The following SYNPO2 variants were observed in gnomAD, a reference collection of about 807,000 sequenced individuals.
The protein encoded by SYNPO2 is synaptopodin 2.
SYNPO2 carries 56 observed loss-of-function variants against 85.0 expected under a neutral mutation model. That is an observed-to-expected ratio of 0.66 (90% CI 0.53 to 0.82). The LOEUF (loss-of-function observed/expected upper bound fraction) is 0.82, where lower values mean the gene tolerates loss of function less well. Among genes scored for constraint, SYNPO2 ranks in the 40% least tolerant of loss-of-function variants. The pLI is 0.00. For missense variants in SYNPO2, 1,575 were observed against 1,534.2 expected, an observed-to-expected ratio of 1.03 and a Z score of -0.44; for synonymous variants, 602 against 591.1, an observed-to-expected ratio of 1.02 and a Z score of -0.27.
Position 119,030,643 on chromosome 4 carries a change from C to T in SYNPO2, c.1868C>T (p.Ser623Phe). The change falls in exon 4 of 5, where the codon TCT becomes TTT. Residue 623 changes from serine (S) to phenylalanine (F), a missense_variant. By Grantham distance (155) the Ser-to-Phe change is radical (BLOSUM62 -2). This residue lies in a region of SYNPO2 where 1,508 missense variants were observed against 1,446.8 expected (regional missense o/e 1.04). Coordinates refer to ENST00000307142, the MANE Select transcript of SYNPO2 (RefSeq NM_133477.3). ...IADFPAPPPY[S>F]AVTPPPDAFS... is the part of the protein sequence containing the mutation. ...GACTTTCCTGCACCTCCACCTTACT[C>T]TGCAGTCACTCCTCCCCCTGACGCC... is the stretch of plus-strand genomic sequence containing the variant. 1.2e-6 allele frequency: 2 copies of T among 1,614,160 alleles called. No homozygotes were observed. Among genetic ancestry groups the T allele is most frequent in the Non-Finnish European group, 1.7e-6 (2 of 1,180,036 alleles).
intron 1 of SYNPO2, among the ~76,000 whole-genome samples, chr4:118,962,017 T>C (rs1225188559): frequency 1.3e-5 from 2 of 152,234 alleles, no homozygotes; most frequent in South Asian, 2.1e-4. Flanking sequence ...TTGAACTTAT[T>C]GTTCTGAAGA....
chr4:118,868,369 T>G (rs1266442248), intron 1 of SYNPO2, among the ~76,000 whole-genome samples: 1 of 152,158 alleles, frequency 6.6e-6, no homozygotes, highest in Non-Finnish European at 1.5e-5. Context: ...ATTTTAAAAT[T>G]GTCAATTTGT....
In SYNPO2 at chr4:118,901,158, T is replaced by G. The variant is rs1272621795; in HGVS notation, c.105+12017T>G. Among the ~76,000 whole-genome samples, 6 of 152,336 alleles carry G rather than the reference T, an allele frequency of 3.9e-5. No individual in the cohort carries two copies. In the East Asian group the frequency reaches 5.8e-4, roughly 15 times the overall value. On this transcript the variant is annotated intron_variant, in intron 1 of 4. Coordinates refer to ENST00000307142, the MANE Select transcript of SYNPO2 (RefSeq NM_133477.3). The stretch of plus-strand genomic sequence containing the variant: ...TGGTTTGTTGCCATATTGTATTATT[T>G]TAGCCACTTTTAATTTGTACCCATG...
chr4:118,993,705 A>C (rs917338069), intron 1 of SYNPO2, among the ~76,000 whole-genome samples: 12 of 152,186 alleles, frequency 7.9e-5, no homozygotes. Flanking sequence ...TTGTATAAGA[A>C]CCTGTTTAAC....
chr4:119,036,986 G>A (rs1738542424), intron 4 of SYNPO2: 12 of 1,307,446 alleles, frequency 9.2e-6, no homozygotes, highest in Non-Finnish European at 1.1e-5. Context: ...TAATTTTTTT[G>A]TTATTAATAT....
At chr4:118,896,781 A>G (rs1732563032) in intron 1 of SYNPO2, among the ~76,000 whole-genome samples, 1 of 152,212 alleles carries the variant, frequency 6.6e-6, no homozygotes. Flanking sequence ...GTTTCAGATA[A>G]ATGAACAGCA....
chr4:118,944,403 T>C, intron 1 of SYNPO2, among the ~76,000 whole-genome samples: 1 of 152,134 alleles, frequency 6.6e-6, no homozygotes, highest in East Asian at 1.9e-4. Context: ...TTAATTATTT[T>C]TGGAATATCT....
intron 1 of SYNPO2, among the ~76,000 whole-genome samples, chr4:118,960,669 A>G (rs1388009843): frequency 6.6e-6 from 1 of 152,080 alleles, no homozygotes; most frequent in African/African-American, 2.4e-5. Context: ...CAAACTTAAT[A>G]TGGCTAGGAT....
intron 1 of SYNPO2, among the ~76,000 whole-genome samples, chr4:118,909,646 C>A (rs999740120): frequency 3.3e-5 from 5 of 152,202 alleles, no homozygotes; most frequent in Non-Finnish European, 1.5e-5. Flanking sequence ...GCCCTGCCCA[C>A]GCTTGGGAAG....
At chr4:118,856,862 T>G (rs1731516393) in intron 1 of SYNPO2, among the ~76,000 whole-genome samples, 2 of 152,150 alleles carry the variant, frequency 1.3e-5, no homozygotes, top group African/African-American at 4.8e-5. Flanking sequence ...GGAAGAAAAA[T>G]GCAAAGAACC....
intron 1 of SYNPO2, among the ~76,000 whole-genome samples, chr4:118,867,053 C>G (rs558098354): frequency 2.6e-5 from 4 of 152,162 alleles, no homozygotes; most frequent in Non-Finnish European, 5.9e-5. Context: ...ATAGCTGTTA[C>G]CTCTTTTTGA....
intron 1 of SYNPO2, among the ~76,000 whole-genome samples, chr4:118,894,987 C>T (rs1298734630): frequency 2.0e-5 from 3 of 152,162 alleles, no homozygotes; most frequent in Non-Finnish European, 4.4e-5. Flanking sequence ...TCATGACTAA[C>T]ATACATAAAG....
intron 1 of SYNPO2, among the ~76,000 whole-genome samples, chr4:118,969,383 C>T (rs971964457): frequency 4.0e-5 from 6 of 149,216 alleles, no homozygotes; most frequent in African/African-American, 1.5e-4. Flanking sequence ...GCATGGTGTT[C>T]GTTTAAAATG....
intron 1 of SYNPO2, among the ~76,000 whole-genome samples, chr4:118,959,906 T>G (rs1735013845): frequency 6.6e-6 from 1 of 152,178 alleles, no homozygotes; most frequent in Admixed American, 6.6e-5. Context: ...GTTATTTTAT[T>G]TGGGACGGAG....
At chr4:118,894,026 G>GAT (rs140546115) in intron 1 of SYNPO2, among the ~76,000 whole-genome samples, 2,409 of 148,376 alleles carry the variant, frequency 0.016, 32 homozygotes, top group Non-Finnish European at 0.022. Context: ...TAAAAAAGAA[G>GAT]ATATATATAT....
At chr4:118,946,527 G>T (rs1259948571) in intron 1 of SYNPO2, among the ~76,000 whole-genome samples, 1 of 146,824 alleles carries the variant, frequency 6.8e-6, no homozygotes, top group Non-Finnish European at 1.5e-5. Flanking sequence ...CCACAGTCCG[G>T]CGATCAGACC....
At position 119,030,030 on chromosome 4, in the gene SYNPO2, C is replaced by A; in HGVS notation, c.1255C>A (p.Arg419=). 4 of 1,613,924 alleles carry A rather than the reference C, an allele frequency of 2.5e-6. No individual in the cohort carries two copies. The highest frequency in any genetic ancestry group is 3.4e-6 in the Non-Finnish European group (4 of 1,179,986). The change falls in exon 4 of 5, where the codon CGA becomes AGA. Residue 419 remains arginine (R), a synonymous_variant. Transcript: ENST00000307142. ...LVSYGTGELE[R]EADEEEEGDK... ...TAGCTACGGTACTGGCGAGCTTGAG[C>A]GAGAGGCGGACGAGGAGGAAGAAGG...
intron 4 of SYNPO2, among the ~76,000 whole-genome samples, chr4:119,049,616 C>T (rs890113106): frequency 6.6e-6 from 1 of 152,182 alleles, no homozygotes; most frequent in Non-Finnish European, 1.5e-5. Flanking sequence ...GCTAAGTAAA[C>T]CTCAGATTAC....
At chr4:119,035,133 C>G in intron 4 of SYNPO2, 1 of 985,424 alleles carries the variant, frequency 1.0e-6, no homozygotes, top group Non-Finnish European at 1.2e-6. Context: ...AATACAGGCA[C>G]TGGAATATAA....
Sources: gnomAD v4.1 joint callset for allele counts (sites outside exome capture counted in the v4.1 genomes callset) on GRCh38, gnomAD v4.1.1 for gene constraint, gnomAD v4.1.1 regional missense constraint, MANE v1.5 for transcripts, NCBI Gene and HGNC (gene_info 2026-07-23, HGNC 2026-07-21) for gene names.